Variants in PDXDC1 observed in about 807,000 individuals in gnomAD.
The protein encoded by PDXDC1 is pyridoxal-dependent decarboxylase domain-containing protein 1.
A neutral mutation model predicts 100.1 loss-of-function variants in PDXDC1; 42 were observed. The ratio of observed to expected loss-of-function variants is 0.42; its 90% CI spans 0.33 to 0.54. The LOEUF (loss-of-function observed/expected upper bound fraction) is 0.54. Among genes scored for constraint, PDXDC1 ranks in the 20% least tolerant of loss-of-function variants. The pLI, the probability that PDXDC1 is intolerant of heterozygous loss-of-function variation, is 0.10. For missense variants in PDXDC1, 636 were observed against 979.2 expected, an observed-to-expected ratio of 0.65 and a Z score of 4.68; for synonymous variants, 260 against 371.7, an observed-to-expected ratio of 0.70 and a Z score of 3.46.
chr16:15,098,200 ATTT>A (rs35540128), intron 16 of PDXDC1, among the ~76,000 whole-genome samples: 9 of 112,734 alleles, frequency 8.0e-5, no homozygotes, highest in Admixed American at 1.8e-4. Context: ...GATATCTATG[ATTT>A]TTTTTTTTTT....
chr16:15,063,118 C>CAGTGAGA, intron 16 of PDXDC1: 1 of 1,123,024 alleles, frequency 8.9e-7, no homozygotes, highest in Non-Finnish European at 1.4e-6. Flanking sequence ...GCACGAACGA[C>CAGTGAGA]TTGCCACTTA....
At chr16:15,117,453 T>C (rs2047273587) in intron 16 of PDXDC1, among the ~76,000 whole-genome samples, 1 of 148,910 alleles carries the variant, frequency 6.7e-6, no homozygotes, top group Non-Finnish European at 1.5e-5. Context: ...GGTCAAGAGA[T>C]GGAGACTATC....
At chr16:15,091,355 A>G (rs376434615) in intron 16 of PDXDC1, 25 of 1,590,308 alleles carry the variant, frequency 1.6e-5, no homozygotes, top group African/African-American at 9.4e-5. Flanking sequence ...CAACAACTCA[A>G]AGTCATTTGT....
the PDXDC1 span, among the ~76,000 whole-genome samples, chr16:15,152,374 ACCCAGCCGTCTC>A: frequency 8.4e-6 from 1 of 119,360 alleles, no homozygotes; most frequent in African/African-American, 2.8e-5. Flanking sequence ...CCTGGGGAAA[ACCCAGCCGTCTC>A]CCCGAGGAGG....
At chr16:15,124,337 C>T (rs1243484658) in intron 16 of PDXDC1, among the ~76,000 whole-genome samples, 1 of 152,226 alleles carries the variant, frequency 6.6e-6, no homozygotes, top group African/African-American at 2.4e-5. Flanking sequence ...CCTCTGGCAG[C>T]TGAAAACCAC....
intron 14 of PDXDC1, 127 bp downstream of exon 14, chr16:15,026,833 A>G: frequency 9.2e-7 from 1 of 1,089,008 alleles, no homozygotes; most frequent in South Asian, 1.4e-5. Flanking sequence ...TTTCAGAAAA[A>G]TGTAATAATT....
At chr16:15,023,810 C>CT (rs2042381783) in intron 13 of PDXDC1, among the ~76,000 whole-genome samples, 1 of 152,412 alleles carries the variant, frequency 6.6e-6, no homozygotes, top group Middle Eastern at 3.4e-3. Context: ...AGGGATGAAT[C>CT]TAAGTTCAGA....
At chr16:15,076,328 A>G (rs2045453253) in intron 16 of PDXDC1, 3 of 598,412 alleles carry the variant, frequency 5.0e-6, no homozygotes, top group East Asian at 5.5e-5. Context: ...AGTTACAAGA[A>G]CAAAAGTGAA....
At chr16:15,014,381 A>G (rs1461719030) in intron 8 of PDXDC1, among the ~76,000 whole-genome samples, 1 of 152,286 alleles carries the variant, frequency 6.6e-6, no homozygotes, top group Non-Finnish European at 1.5e-5. Context: ...TGCCAGTGTG[A>G]TTATGTTGCA....
At chr16:14,976,903 A>T (rs1285630858) in intron 1 of PDXDC1, 1 of 152,328 alleles carries the variant, frequency 6.6e-6, no homozygotes, top group Non-Finnish European at 1.5e-5. Flanking sequence ...TTTCCTAAGA[A>T]GGTGGGTGGG....
At chr16:15,123,913 TCTCAAATCACCC>T (rs1427710917) in intron 16 of PDXDC1, among the ~76,000 whole-genome samples, 3 of 146,594 alleles carry the variant, frequency 2.0e-5, no homozygotes, top group Non-Finnish European at 3.0e-5. Flanking sequence ...GGTTGTGTGA[TCTCAAATCACCC>T]CTAACCCACC....
intron 1 of PDXDC1, among the ~76,000 whole-genome samples, chr16:14,977,400 C>T (rs1322697679): frequency 1.3e-5 from 2 of 152,132 alleles, no homozygotes; most frequent in Non-Finnish European, 2.9e-5. Context: ...CTGCCTCAGC[C>T]TCCCGAGCAG....
intron 8 of PDXDC1, among the ~76,000 whole-genome samples, chr16:15,011,313 C>G (rs1335076461): frequency 1.3e-5 from 2 of 152,288 alleles, no homozygotes; most frequent in African/African-American, 2.4e-5. Flanking sequence ...AAAGGACCAT[C>G]TTTTTCCATC....
chr16:15,062,242 T>C (rs1403162856), intron 16 of PDXDC1, among the ~76,000 whole-genome samples: 3 of 152,212 alleles, frequency 2.0e-5, no homozygotes, highest in Admixed American at 2.0e-4. Flanking sequence ...TGTAATCATT[T>C]GTTTCAAGTC....
intron 16 of PDXDC1, among the ~76,000 whole-genome samples, chr16:15,097,016 C>T (rs2046381620): frequency 6.6e-6 from 1 of 152,254 alleles, no homozygotes; most frequent in South Asian, 2.1e-4. Flanking sequence ...AATGCCAGAG[C>T]TTTGGGAGGC....
chr16:15,081,301 CA>C (rs1213719674), intron 16 of PDXDC1, among the ~76,000 whole-genome samples: 1 of 152,168 alleles, frequency 6.6e-6, no homozygotes, highest in African/African-American at 2.4e-5. Context: ...GGCTATTTTC[CA>C]AAATGGCTGC....
At chr16:15,149,311 G>GTT in the PDXDC1 span, among the ~76,000 whole-genome samples, 1 of 152,208 alleles carries the variant, frequency 6.6e-6, no homozygotes, top group Non-Finnish European at 1.5e-5. Context: ...AATCATCTGC[G>GTT]TGTTTGTTGA....
At chr16:14,987,653 C>G (rs1438460146) in intron 1 of PDXDC1, among the ~76,000 whole-genome samples, 1 of 152,284 alleles carries the variant, frequency 6.6e-6, no homozygotes, top group Non-Finnish European at 1.5e-5. Context: ...TTGCTGTCGC[C>G]TAGGCTGGAG....
intron 16 of PDXDC1, among the ~76,000 whole-genome samples, chr16:15,082,233 T>C (rs2045737891): frequency 6.6e-6 from 1 of 152,248 alleles, no homozygotes; most frequent in African/African-American, 2.4e-5. Flanking sequence ...AGATGCCCTT[T>C]ATCAGGTTGA....
Sources: allele counts gnomAD v4.1 joint callset (sites outside exome capture counted in the v4.1 genomes callset), GRCh38; gene constraint gnomAD v4.1.1; transcripts MANE v1.5; gene names NCBI Gene and HGNC (gene_info 2026-07-23, HGNC 2026-07-21).